The following IGF2BP2 variants were observed in gnomAD, a reference collection of about 807,000 sequenced individuals.
IGF2BP2 encodes the protein insulin like growth factor 2 mRNA binding protein 2.
IGF2BP2 carries 17 observed loss-of-function variants against 75.8 expected under a neutral mutation model. The ratio of observed to expected loss-of-function variants is 0.22; its 90% CI spans 0.15 to 0.34. The LOEUF (loss-of-function observed/expected upper bound fraction) is 0.34. IGF2BP2 is among the 10% of genes least tolerant of loss of function. The pLI, the probability that IGF2BP2 is intolerant of heterozygous loss-of-function variation, is 1.00. For missense variants in IGF2BP2, 516 were observed against 772.4 expected, an observed-to-expected ratio of 0.67 and a Z score of 3.93; for synonymous variants, 288 against 295.6, an observed-to-expected ratio of 0.97 and a Z score of 0.26.
At chr3:185,673,990 G>T (rs969352865) in intron 9 of IGF2BP2, among the ~76,000 whole-genome samples, 1 of 152,178 alleles carries the variant, frequency 6.6e-6, no homozygotes, top group Non-Finnish European at 1.5e-5. Context: ...ATCCAAACAT[G>T]GGGAGAAGAC....
At chr3:185,737,794 T>A (rs1271783296) in intron 2 of IGF2BP2, among the ~76,000 whole-genome samples, 2 of 152,244 alleles carry the variant, frequency 1.3e-5, no homozygotes, top group African/African-American at 2.4e-5. Flanking sequence ...ATGATGGTCA[T>A]CCCCAGTTCT....
intron 2 of IGF2BP2, among the ~76,000 whole-genome samples, chr3:185,776,364 T>C (rs1734532078): frequency 6.6e-6 from 1 of 152,190 alleles, no homozygotes; most frequent in Admixed American, 6.5e-5. Flanking sequence ...AACATGTTTA[T>C]AATTTAAAGT....
intron 2 of IGF2BP2, among the ~76,000 whole-genome samples, chr3:185,731,146 A>G (rs1368260640): frequency 6.6e-6 from 1 of 152,194 alleles, no homozygotes; most frequent in East Asian, 1.9e-4. Flanking sequence ...TTTTAAGAGT[A>G]TAAAGGGATA....
At chr3:185,710,819 C>A (rs1028539265) in intron 2 of IGF2BP2, among the ~76,000 whole-genome samples, 1 of 151,488 alleles carries the variant, frequency 6.6e-6, no homozygotes, top group Non-Finnish European at 1.5e-5. Context: ...AAATTTTTTA[C>A]GCTATAGGAA....
At chr3:185,758,886 A>T (rs1731981906) in intron 2 of IGF2BP2, among the ~76,000 whole-genome samples, 1 of 152,208 alleles carries the variant, frequency 6.6e-6, no homozygotes, top group East Asian at 1.9e-4. Flanking sequence ...ATAGAGCTCC[A>T]CGGTAGGAGA....
intron 2 of IGF2BP2, among the ~76,000 whole-genome samples, chr3:185,822,527 G>A (rs1466159906): frequency 6.6e-6 from 1 of 152,166 alleles, no homozygotes; most frequent in Non-Finnish European, 1.5e-5. Context: ...GATTTCACAA[G>A]GGTATTTATT....
intron 1 of IGF2BP2, 23 bp downstream of exon 1, chr3:185,824,760 A>C: frequency 2.4e-6 from 3 of 1,275,206 alleles, no homozygotes; most frequent in Non-Finnish European, 2.0e-6. Context: ...AGGCGGGGGG[A>C]GGGGGCCGCG....
At chr3:185,794,961 T>G (rs1380214394) in intron 2 of IGF2BP2, among the ~76,000 whole-genome samples, 1 of 151,842 alleles carries the variant, frequency 6.6e-6, no homozygotes, top group Middle Eastern at 3.2e-3. Flanking sequence ...GCAGTGGCGC[T>G]CTCTCTGCTC....
rs9833714 is a variant in IGF2BP2 at position 185,753,944 on chromosome 3, C to T, written c.240-55597G>A. On this transcript the variant is annotated intron_variant, in intron 2 of 15. Coordinates refer to ENST00000382199, the MANE Select transcript of IGF2BP2 (RefSeq NM_006548.6). Reference sequence around the variant, plus strand: ...TGATGCCAGGTGCAGTGGCTCACACCTGTAATCCCAGCACTTTGGGAGGCT... The same window carrying T: ...TGATGCCAGGTGCAGTGGCTCACACTTGTAATCCCAGCACTTTGGGAGGCT... Among the ~76,000 whole-genome samples, 20 of 152,172 alleles carry T rather than the reference C, an allele frequency of 1.3e-4. No homozygotes were observed. The East Asian group carries it at 3.5e-3, about 27-fold the overall frequency.
intron 2 of IGF2BP2, among the ~76,000 whole-genome samples, chr3:185,727,689 T>C (rs962440605): frequency 2.0e-5 from 3 of 152,198 alleles, no homozygotes; most frequent in Admixed American, 6.5e-5. Flanking sequence ...TGACACTGTT[T>C]GAATATTATA....
intron 2 of IGF2BP2, among the ~76,000 whole-genome samples, chr3:185,735,630 G>T (rs571655829): frequency 1.3e-5 from 2 of 152,272 alleles, no homozygotes; most frequent in East Asian, 3.9e-4. Flanking sequence ...GAGTTCCTCC[G>T]GGAGGAGATA....
chr3:185,734,756 C>T (rs555560025), intron 2 of IGF2BP2, among the ~76,000 whole-genome samples: 1 of 152,338 alleles, frequency 6.6e-6, no homozygotes, highest in African/African-American at 2.4e-5. Context: ...GAGACTCAGG[C>T]TAAAACCTAA....
chr3:185,715,939 C>T (rs1224648959), intron 2 of IGF2BP2, among the ~76,000 whole-genome samples: 1 of 152,198 alleles, frequency 6.6e-6, no homozygotes, highest in Non-Finnish European at 1.5e-5. Context: ...AGCCACCACG[C>T]CCAGCCTGAT....
At chr3:185,703,132 T>C (rs1723540684) in intron 2 of IGF2BP2, among the ~76,000 whole-genome samples, 1 of 152,216 alleles carries the variant, frequency 6.6e-6, no homozygotes, top group African/African-American at 2.4e-5. Context: ...GTCAATTGAT[T>C]ATAGCACACA....
intron 10 of IGF2BP2, among the ~76,000 whole-genome samples, chr3:185,666,019 T>C (rs889924147): frequency 6.6e-6 from 1 of 150,678 alleles, no homozygotes; most frequent in African/African-American, 2.5e-5. Flanking sequence ...GATAGATAGA[T>C]AGATAGATAG....
chr3:185,665,422 GAGA>G (rs1234375566), intron 10 of IGF2BP2, among the ~76,000 whole-genome samples: 4 of 113,078 alleles, frequency 3.5e-5, no homozygotes, highest in Non-Finnish European at 7.6e-5. Context: ...GGAGGAGAAG[GAGA>G]AGGAGGAGGA....
At chr3:185,708,455 T>C (rs1724356404) in intron 2 of IGF2BP2, among the ~76,000 whole-genome samples, 1 of 152,142 alleles carries the variant, frequency 6.6e-6, no homozygotes, top group Non-Finnish European at 1.5e-5. Flanking sequence ...TTCACTGTGA[T>C]AGCTCACTCT....
At chr3:185,740,951 C>T (rs1201244675) in intron 2 of IGF2BP2, among the ~76,000 whole-genome samples, 1 of 152,220 alleles carries the variant, frequency 6.6e-6, no homozygotes, top group Non-Finnish European at 1.5e-5. Context: ...GATCTCGGCT[C>T]ACTGCAACCT....
intron 2 of IGF2BP2, among the ~76,000 whole-genome samples, chr3:185,706,465 T>G (rs1475501956): frequency 6.6e-6 from 1 of 152,112 alleles, no homozygotes; most frequent in Non-Finnish European, 1.5e-5. Context: ...AACGGATCAT[T>G]AGATGATGTT....
Sources: allele counts gnomAD v4.1 joint callset (sites outside exome capture counted in the v4.1 genomes callset), GRCh38; gene constraint gnomAD v4.1.1; transcripts MANE v1.5; gene names NCBI Gene and HGNC (gene_info 2026-07-23, HGNC 2026-07-21).